Variants in SHOC2 observed in about 807,000 individuals in gnomAD.
SHOC2 encodes the protein SHOC2 leucine rich repeat scaffold protein.
Under a neutral mutation model 50.2 loss-of-function variants are expected in SHOC2, and 4 were observed. That is an observed-to-expected ratio of 0.08 (90% CI 0.04 to 0.18). The LOEUF (loss-of-function observed/expected upper bound fraction) is 0.18, where lower values mean the gene tolerates loss of function less well. SHOC2 is among the 10% of genes least tolerant of loss of function. SHOC2 has a pLI of 1.00. For synonymous variants in SHOC2, 218 were observed against 244.5 expected, an observed-to-expected ratio of 0.89 and a Z score of 1.01; for missense variants, 388 against 669.6, an observed-to-expected ratio of 0.58 and a Z score of 4.64.
intron 1 of SHOC2, among the ~76,000 whole-genome samples, chr10:110,931,917 A>C (rs1411195764): frequency 6.6e-6 from 1 of 152,192 alleles, no homozygotes; most frequent in African/African-American, 2.4e-5. Flanking sequence ...CCTTTAAATG[A>C]GAGAGTCAGA....
chr10:110,967,576 T>C lies in SHOC2; in HGVS notation c.703+2515T>C, dbSNP rs114763389. ...ACCATCAGAGATAATGTTAGAACAT[T>C]TTCAATACCTCCAAAAGAAACTCTG... On this transcript the variant is annotated intron_variant, in intron 2 of 8. Transcript: ENST00000369452. Among the ~76,000 whole-genome samples, 787 of 152,284 alleles carry C rather than the reference T, an allele frequency of 5.2e-3. 8 individuals carry two copies. The highest frequency in any genetic ancestry group is 0.018 in the African/African-American group (754 of 41,568).
chr10:110,976,154 C>T (rs1847875256), intron 2 of SHOC2, among the ~76,000 whole-genome samples: 1 of 152,162 alleles, frequency 6.6e-6, no homozygotes, highest in Admixed American at 6.5e-5. Context: ...AGGTGATCCG[C>T]CTGCCTCGGC....
chr10:110,920,680 A>T (rs141726872), intron 1 of SHOC2, among the ~76,000 whole-genome samples: 94 of 152,168 alleles, frequency 6.2e-4, no homozygotes, highest in African/African-American at 2.2e-3. Flanking sequence ...TGGCAGTTTG[A>T]TTTTTCTTGT....
chr10:110,986,110 A>G (rs1161286563), intron 3 of SHOC2, among the ~76,000 whole-genome samples: 1 of 152,144 alleles, frequency 6.6e-6, no homozygotes, highest in African/African-American at 2.4e-5. Context: ...TTCTTTGCTA[A>G]AGTATTCCAT....
chr10:110,995,662 T>G (rs1848256405), intron 3 of SHOC2, among the ~76,000 whole-genome samples: 1 of 152,228 alleles, frequency 6.6e-6, no homozygotes, highest in Non-Finnish European at 1.5e-5. Context: ...CAGATGGCTC[T>G]TACTGCTGCT....
chr10:110,977,318 C>T (rs1590813677), intron 2 of SHOC2, among the ~76,000 whole-genome samples: 2 of 150,856 alleles, frequency 1.3e-5, no homozygotes, highest in African/African-American at 2.4e-5. Context: ...ATGGTGTGAT[C>T]TCGGCCCACC....
chr10:110,943,560 A>C (rs1470192115), intron 1 of SHOC2, among the ~76,000 whole-genome samples: 1 of 152,090 alleles, frequency 6.6e-6, no homozygotes, highest in Admixed American at 6.6e-5. Context: ...TTGATATTAA[A>C]TTTTCATTTA....
At chr10:110,936,944 G>A (rs1156817383) in intron 1 of SHOC2, 1 of 1,429,378 alleles carries the variant, frequency 7.0e-7, no homozygotes, top group Non-Finnish European at 9.9e-7. Context: ...GTCCAGAGCG[G>A]CCTGGCCTCG....
At chr10:110,963,490 T>G (rs970140243) in intron 1 of SHOC2, among the ~76,000 whole-genome samples, 12 of 152,190 alleles carry the variant, frequency 7.9e-5, no homozygotes, top group Non-Finnish European at 1.8e-4. Context: ...TCATACATAT[T>G]TCACTTTGTT....
intron 1 of SHOC2, among the ~76,000 whole-genome samples, chr10:110,923,863 A>G (rs767778215): frequency 2.0e-5 from 3 of 152,324 alleles, no homozygotes; most frequent in Non-Finnish European, 4.4e-5. Context: ...GCCCTCAATT[A>G]CTATTTAAAA....
intron 2 of SHOC2, among the ~76,000 whole-genome samples, chr10:110,985,320 G>A (rs1848057742): frequency 6.6e-6 from 1 of 152,022 alleles, no homozygotes; most frequent in African/African-American, 2.4e-5. Flanking sequence ...GGTTGGAAAA[G>A]TAATCATTCA....
At chr10:110,957,914 G>C (rs1262452080) in intron 1 of SHOC2, among the ~76,000 whole-genome samples, 1 of 152,038 alleles carries the variant, frequency 6.6e-6, no homozygotes, top group African/African-American at 2.4e-5. Context: ...ATTTGCTTCT[G>C]TTTCACCAAA....
chr10:110,965,902 CTGTGGGCCCTT>C (rs1043614867), intron 2 of SHOC2, among the ~76,000 whole-genome samples: 5 of 152,014 alleles, frequency 3.3e-5, no homozygotes, highest in African/African-American at 1.2e-4. Context: ...GGTATTGCCT[CTGTGGGCCCTT>C]TTTATAAGAT....
At chr10:111,010,596 G>A (rs1391948871) in intron 8 of SHOC2, among the ~76,000 whole-genome samples, 11 of 152,048 alleles carry the variant, frequency 7.2e-5, no homozygotes, top group Admixed American at 2.0e-4. Context: ...ACTAGTTAAC[G>A]GGTGCAGCAC....
intron 3 of SHOC2, among the ~76,000 whole-genome samples, chr10:110,986,721 C>T (rs1024723645): frequency 1.3e-5 from 2 of 152,164 alleles, no homozygotes; most frequent in South Asian, 2.1e-4. Flanking sequence ...GGTGATCTGC[C>T]TGCCTCTGCC....
intron 1 of SHOC2, among the ~76,000 whole-genome samples, chr10:110,927,900 G>A (rs1400554504): frequency 6.6e-6 from 1 of 152,118 alleles, no homozygotes; most frequent in Non-Finnish European, 1.5e-5. Context: ...CTTTTAAAAT[G>A]GAGTCACTAT....
intron 1 of SHOC2, chr10:110,951,618 A>G (rs1047383514): frequency 9.2e-5 from 14 of 152,218 alleles, no homozygotes; most frequent in African/African-American, 3.4e-4. Context: ...CATTGTTTAC[A>G]ATAACCAAGA....
At chr10:110,969,844 A>G (rs1344892414) in intron 2 of SHOC2, among the ~76,000 whole-genome samples, 1 of 152,198 alleles carries the variant, frequency 6.6e-6, no homozygotes, top group Non-Finnish European at 1.5e-5. Context: ...TTGAGAACCC[A>G]TATCATTTTC....
rs1847675021 is a variant in SHOC2 at position 110,966,357 on chromosome 10, G to A, written c.703+1296G>A. On this transcript the variant is annotated intron_variant, in intron 2 of 8. Coordinates refer to ENST00000369452, the MANE Select transcript of SHOC2 (RefSeq NM_007373.4). ...ATGTTCCATTCCATGTCTTCAGATA[G>A]GAATGTGGTTGTTGAATGACTTGTT... Among the ~76,000 whole-genome samples the A allele has an allele frequency of 2.0e-5, 3 of 152,040 alleles. No individual in the cohort carries two copies. In the South Asian group the frequency reaches 6.2e-4, roughly 31 times the overall value.
Sources: gnomAD v4.1 joint callset for allele counts (sites outside exome capture counted in the v4.1 genomes callset) on GRCh38, gnomAD v4.1.1 for gene constraint, MANE v1.5 for transcripts, NCBI Gene and HGNC (gene_info 2026-07-23, HGNC 2026-07-21) for gene names.